Variants in P2RY14 observed in about 807,000 individuals in gnomAD.
P2RY14 encodes purinergic receptor P2Y14, also known as P2Y purinoceptor 14.
A neutral mutation model predicts 0.9 loss-of-function variants in P2RY14; 2 were observed. The observed-to-expected ratio is 2.16, with a 90% CI of 0.88 to 6.79. The LOEUF (loss-of-function observed/expected upper bound fraction) is 6.79. Ranked by LOEUF, P2RY14 falls within the 30% of genes most tolerant of loss-of-function variation. P2RY14 has a pLI of 0.05. For synonymous variants in P2RY14, 158 were observed against 147.2 expected, an observed-to-expected ratio of 1.07 and a Z score of -0.53; for missense variants, 378 against 400.1, an observed-to-expected ratio of 0.94 and a Z score of 0.47.
At chr3:151,236,090 C>G (rs1732722124) in intron 1 of P2RY14, among the ~76,000 whole-genome samples, 1 of 152,150 alleles carries the variant, frequency 6.6e-6, no homozygotes, top group African/African-American at 2.4e-5. Flanking sequence ...TAAAGGTAAG[C>G]TTTGCCAGAC....
At chr3:151,259,926 TC>T (rs1738538506) in intron 1 of P2RY14, among the ~76,000 whole-genome samples, 1 of 152,246 alleles carries the variant, frequency 6.6e-6, no homozygotes. Flanking sequence ...GTATTTTAAT[TC>T]TAAGTTTGGA....
At chr3:151,223,107 A>C (rs1428615636) in intron 1 of P2RY14, among the ~76,000 whole-genome samples, 2 of 151,526 alleles carry the variant, frequency 1.3e-5, no homozygotes, top group African/African-American at 4.9e-5. Context: ...CTAGGGCAGT[A>C]TGGAACATGT....
chr3:151,234,213 C>G (rs1389612653), intron 1 of P2RY14, among the ~76,000 whole-genome samples: 1 of 152,104 alleles, frequency 6.6e-6, no homozygotes, highest in African/African-American at 2.4e-5. Flanking sequence ...GGTAAAAAAC[C>G]CATTATTTGC....
At chr3:151,226,653 A>C (rs545225295) in intron 1 of P2RY14, among the ~76,000 whole-genome samples, 1 of 151,846 alleles carries the variant, frequency 6.6e-6, no homozygotes, top group South Asian at 2.1e-4. Flanking sequence ...TGTATGTTTG[A>C]GAGTATATAT....
At chr3:151,238,233 G>A (rs553466968) in intron 1 of P2RY14, among the ~76,000 whole-genome samples, 74 of 151,894 alleles carry the variant, frequency 4.9e-4, no homozygotes, top group African/African-American at 1.5e-3. Context: ...TGCATCCTCC[G>A]CCTCCCAGGT....
At chr3:151,236,651 G>GT (rs1020649070) in intron 1 of P2RY14, among the ~76,000 whole-genome samples, 14 of 151,850 alleles carry the variant, frequency 9.2e-5, no homozygotes, top group African/African-American at 3.4e-4. Flanking sequence ...ACAAATTTTT[G>GT]TAACATCTAT....
intron 1 of P2RY14, among the ~76,000 whole-genome samples, chr3:151,261,603 G>A (rs1577161021): frequency 6.6e-6 from 1 of 152,236 alleles, no homozygotes; most frequent in Admixed American, 6.5e-5. Flanking sequence ...CTGAGAACTT[G>A]CTGGAAATGC....
At chr3:151,248,583 G>T (rs970720763) in intron 1 of P2RY14, among the ~76,000 whole-genome samples, 3 of 151,894 alleles carry the variant, frequency 2.0e-5, no homozygotes, top group African/African-American at 7.3e-5. Flanking sequence ...CCGACTGTCT[G>T]GATAATAAGT....
intron 1 of P2RY14, among the ~76,000 whole-genome samples, chr3:151,255,992 G>A (rs1214731656): frequency 6.6e-6 from 1 of 152,150 alleles, no homozygotes; most frequent in Admixed American, 6.6e-5. Flanking sequence ...TCAGTAAATG[G>A]TAGGGTCTCT....
chr3:151,254,573 T>C (rs1356809921), intron 1 of P2RY14, among the ~76,000 whole-genome samples: 2 of 152,254 alleles, frequency 1.3e-5, no homozygotes, highest in East Asian at 3.8e-4. Context: ...AAACCTTATT[T>C]AATCTAGTTC....
intron 1 of P2RY14, among the ~76,000 whole-genome samples, chr3:151,263,197 C>T (rs996870847): frequency 1.3e-5 from 2 of 152,072 alleles, no homozygotes; most frequent in African/African-American, 2.4e-5. Flanking sequence ...TGGCCCAGCA[C>T]CCTTTAGTGA....
intron 2 of P2RY14, among the ~76,000 whole-genome samples, chr3:151,217,909 A>G (rs974481845): frequency 2.6e-5 from 4 of 152,198 alleles, no homozygotes; most frequent in East Asian, 3.8e-4. Context: ...GATGTGTGGA[A>G]AAGAAGCTCT....
chr3:151,257,397 C>T (rs1194132761), intron 1 of P2RY14, among the ~76,000 whole-genome samples: 2 of 152,210 alleles, frequency 1.3e-5, no homozygotes, highest in East Asian at 3.8e-4. Flanking sequence ...TGATTAAGAG[C>T]ATTGTCTCCA....
intron 1 of P2RY14, among the ~76,000 whole-genome samples, chr3:151,225,319 T>C (rs1730272010): frequency 1.3e-5 from 2 of 152,216 alleles, no homozygotes; most frequent in African/African-American, 4.8e-5. Context: ...TACTACGTAT[T>C]GAGTCATTTA....
At chr3:151,253,659 G>T (rs996308005) in intron 1 of P2RY14, among the ~76,000 whole-genome samples, 1 of 152,078 alleles carries the variant, frequency 6.6e-6, no homozygotes, top group African/African-American at 2.4e-5. Context: ...TTTTTTGTGA[G>T]GGGGTGGGTG....
chr3:151,220,053 A>T (rs940248169), intron 1 of P2RY14, among the ~76,000 whole-genome samples: 1 of 149,426 alleles, frequency 6.7e-6, no homozygotes, highest in Non-Finnish European at 1.5e-5. Flanking sequence ...TGGGCCAGAT[A>T]ATTATTTATT....
rs1727658764 is a variant in P2RY14 at position 151,213,941 on chromosome 3, G to T, written c.376C>A (p.Pro126Thr). Reference protein sequence around the residue: ...SFDRYYKIVKPLWTSFIQSVS... With the variant: ...SFDRYYKIVKTLWTSFIQSVS... ...GACTGGATGAAAGAAGTCCAAAGAGGCTTTACAATTTTATAATATCTGTCA... is the reference window on the plus strand; with the variant it reads ...GACTGGATGAAAGAAGTCCAAAGAGTCTTTACAATTTTATAATATCTGTCA... The change falls in exon 3 of 3, where the codon CCT becomes ACT. Residue 126 changes from proline (P) to threonine (T), a missense_variant. By Grantham distance (38) the Pro-to-Thr change is conservative. Transcript: ENST00000309170. The T allele has an allele frequency of 1.9e-6, 3 of 1,614,092 alleles. No individual in the cohort carries two copies. The highest frequency in any genetic ancestry group is 2.5e-6 in the Non-Finnish European group (3 of 1,179,986).
chr3:151,222,882 G>A (rs1178558123), intron 1 of P2RY14, among the ~76,000 whole-genome samples: 2 of 152,108 alleles, frequency 1.3e-5, no homozygotes, highest in Admixed American at 6.5e-5. Context: ...AAGTAGGCCT[G>A]AAATCTAGGA....
intron 1 of P2RY14, among the ~76,000 whole-genome samples, chr3:151,254,705 T>G: frequency 6.6e-6 from 1 of 152,242 alleles, no homozygotes; most frequent in East Asian, 1.9e-4. Context: ...TAGATGCTTC[T>G]TAGCATTACA....
Sources: allele counts gnomAD v4.1 joint callset (sites outside exome capture counted in the v4.1 genomes callset), GRCh38; gene constraint gnomAD v4.1.1; transcripts MANE v1.5; gene names NCBI Gene and HGNC (gene_info 2026-07-23, HGNC 2026-07-21).